Variants in PEBP4 observed in about 807,000 individuals in gnomAD.
The protein encoded by PEBP4 is phosphatidylethanolamine-binding protein 4.
A neutral mutation model predicts 23.9 loss-of-function variants in PEBP4; 22 were observed. The observed-to-expected ratio is 0.92, with a 90% confidence interval of 0.66 to 1.31. PEBP4 has a LOEUF of 1.31. Among genes scored for constraint, PEBP4 ranks in the 40% most tolerant of loss-of-function variants. The probability of loss-of-function intolerance (pLI) is 0.00; values close to 1 mark genes in which losing one functional copy is unlikely to be tolerated. For synonymous variants in PEBP4, 112 were observed against 99.3 expected, an observed-to-expected ratio of 1.13 and a Z score of -0.76; for missense variants, 324 against 281.7, an observed-to-expected ratio of 1.15 and a Z score of -1.07.
chr8:22,797,667 T>G (rs961604828), intron 4 of PEBP4, among the ~76,000 whole-genome samples: 1 of 152,176 alleles, frequency 6.6e-6, no homozygotes, highest in Non-Finnish European at 1.5e-5. Flanking sequence ...AGGCTGCTGG[T>G]AGACCCCGTA....
At chr8:22,803,850 C>T (rs1806440111) in intron 4 of PEBP4, among the ~76,000 whole-genome samples, 1 of 152,144 alleles carries the variant, frequency 6.6e-6, no homozygotes. Context: ...CCTTCACCCT[C>T]CACGTCTAAT....
intron 4 of PEBP4, among the ~76,000 whole-genome samples, chr8:22,762,756 A>G (rs1805534683): frequency 6.6e-6 from 1 of 152,112 alleles, no homozygotes; most frequent in African/African-American, 2.4e-5. Flanking sequence ...AGAACTGTGG[A>G]GTCTTGGGGT....
intron 4 of PEBP4, among the ~76,000 whole-genome samples, chr8:22,813,509 G>A (rs1331117260): frequency 1.3e-5 from 2 of 152,128 alleles, no homozygotes; most frequent in Non-Finnish European, 2.9e-5. Flanking sequence ...ATATCTGCAT[G>A]AAAAGCTCTG....
chr8:22,809,422 T>G (rs1806570439), intron 4 of PEBP4, among the ~76,000 whole-genome samples: 1 of 152,110 alleles, frequency 6.6e-6, no homozygotes, highest in South Asian at 2.1e-4. Context: ...CATCACCACC[T>G]CTGAGCCCCC....
intron 4 of PEBP4, among the ~76,000 whole-genome samples, chr8:22,790,704 G>A (rs1177031106): frequency 6.6e-6 from 1 of 152,140 alleles, no homozygotes; most frequent in Non-Finnish European, 1.5e-5. Context: ...ACAGGCTTCT[G>A]GAGAAATGAA....
At chr8:22,755,100 C>T (rs1265646438) in intron 4 of PEBP4, among the ~76,000 whole-genome samples, 1 of 152,176 alleles carries the variant, frequency 6.6e-6, no homozygotes, top group Non-Finnish European at 1.5e-5. Context: ...GTTTCGAAAC[C>T]ACTCCTGAGT....
At chr8:22,750,581 A>G (rs1332107429) in intron 4 of PEBP4, among the ~76,000 whole-genome samples, 1 of 151,850 alleles carries the variant, frequency 6.6e-6, no homozygotes, top group Non-Finnish European at 1.5e-5. Context: ...CGTTGGGGTA[A>G]CTCCTGTTTC....
chr8:22,930,627 C>T (rs1003033956), upstream of PEBP4, among the ~76,000 whole-genome samples: 1 of 152,190 alleles, frequency 6.6e-6, no homozygotes, highest in South Asian at 2.1e-4. Flanking sequence ...ACTAATCACT[C>T]AGGTTGGCCC....
At chr8:22,784,120 G>GTAAT (rs1215696868) in intron 4 of PEBP4, among the ~76,000 whole-genome samples, 9 of 152,192 alleles carry the variant, frequency 5.9e-5, no homozygotes, top group Non-Finnish European at 1.0e-4. Flanking sequence ...CTGTTGTGGG[G>GTAAT]ATTATGGAGA....
In PEBP4 at chr8:22,762,093, G is replaced by GA. The variant is rs201667916; in HGVS notation, c.358-34874dup. ...CTATGTTAGTTTGCTTATTGTGCCA[G>GA]AAAAAAAAATCACAATTTAAATCGG... is the stretch of plus-strand genomic sequence containing the variant. On this transcript the variant is annotated intron_variant, in intron 4 of 6. Transcript: ENST00000256404. Among the ~76,000 whole-genome samples, 138 of 145,854 alleles carry GA rather than the reference G, an allele frequency of 9.5e-4. 2 individuals carry two copies. In the South Asian group the frequency reaches 0.013, roughly 13 times the overall value.
At chr8:22,807,784 C>A (rs1176313722) in intron 4 of PEBP4, among the ~76,000 whole-genome samples, 9 of 152,070 alleles carry the variant, frequency 5.9e-5, no homozygotes, top group African/African-American at 1.9e-4. Flanking sequence ...GTCCACCTAC[C>A]AAACCTCCAC....
intron 3 of PEBP4, among the ~76,000 whole-genome samples, chr8:22,913,599 C>T (rs746716103): frequency 6.6e-6 from 1 of 152,098 alleles, no homozygotes; most frequent in African/African-American, 2.4e-5. Flanking sequence ...CTCCTCTTCC[C>T]TCAGAAGCAT....
intron 4 of PEBP4, among the ~76,000 whole-genome samples, chr8:22,761,353 G>A (rs943749068): frequency 6.6e-6 from 1 of 151,778 alleles, no homozygotes; most frequent in South Asian, 2.1e-4. Context: ...CCCGGAAGAG[G>A]TCCAAAGCAT....
At chr8:22,745,352 A>T (rs1244785947) in intron 4 of PEBP4, among the ~76,000 whole-genome samples, 1 of 151,936 alleles carries the variant, frequency 6.6e-6, no homozygotes, top group Non-Finnish European at 1.5e-5. Flanking sequence ...GGATTGGGGG[A>T]GTGAGCCCTG....
intron 4 of PEBP4, among the ~76,000 whole-genome samples, chr8:22,777,930 G>A (rs971961417): frequency 2.0e-5 from 3 of 152,020 alleles, no homozygotes; most frequent in Admixed American, 6.5e-5. Context: ...GCCCCCCTCC[G>A]CTCTCCTCTT....
At chr8:22,891,305 G>A in intron 3 of PEBP4, among the ~76,000 whole-genome samples, 1 of 152,218 alleles carries the variant, frequency 6.6e-6, no homozygotes, top group Admixed American at 6.5e-5. Flanking sequence ...CTCACACATA[G>A]GAAGATGCCA....
chr8:22,871,871 G>A lies in PEBP4; in HGVS notation c.258+48313C>T, dbSNP rs1808014265. Among the ~76,000 whole-genome samples the A allele has an allele frequency of 2.0e-5, 3 of 151,970 alleles. No homozygotes were observed. The South Asian group carries it at 6.2e-4, about 32-fold the overall frequency. On this transcript the variant is annotated intron_variant, in intron 3 of 6. Transcript: ENST00000256404. ...CTGCCCTGATTTCTGGGATTTTAGT[G>A]CACCTGTCACCCAAGTAGTGTATGC...
At chr8:22,779,641 G>C (rs1320706186) in intron 4 of PEBP4, among the ~76,000 whole-genome samples, 1 of 152,150 alleles carries the variant, frequency 6.6e-6, no homozygotes, top group Non-Finnish European at 1.5e-5. Context: ...GTCTCCACTG[G>C]GAATGTTCAT....
At chr8:22,893,100 G>A (rs543101557) in intron 3 of PEBP4, among the ~76,000 whole-genome samples, 1 of 152,308 alleles carries the variant, frequency 6.6e-6, no homozygotes, top group Non-Finnish European at 1.5e-5. Flanking sequence ...TTCCCTGAAA[G>A]AAACAGACAG....
Sources: allele counts gnomAD v4.1 joint callset (sites outside exome capture counted in the v4.1 genomes callset), GRCh38; gene constraint gnomAD v4.1.1; transcripts MANE v1.5; gene names NCBI Gene and HGNC (gene_info 2026-07-23, HGNC 2026-07-21).